ZFYVE9: variants seen among roughly 807,000 people sequenced by gnomAD.
The protein encoded by ZFYVE9 is zinc finger FYVE-type containing 9, also known as zinc finger FYVE domain-containing protein 9.
Under a neutral mutation model 126.7 loss-of-function variants are expected in ZFYVE9, and 43 were observed. The ratio of observed to expected loss-of-function variants is 0.34; its 90% CI spans 0.27 to 0.44. The LOEUF is 0.44. ZFYVE9 is among the 20% of genes least tolerant of loss of function. The pLI, the probability that ZFYVE9 is intolerant of heterozygous loss-of-function variation, is 1.00. For missense variants in ZFYVE9, 1,476 were observed against 1,697.0 expected (o/e 0.87, Z 2.29); for synonymous variants, 521 against 597.4 (o/e 0.87, Z 1.87).
intron 13 of ZFYVE9, among the ~76,000 whole-genome samples, chr1:52,330,723 G>C (rs1569770872): frequency 6.6e-6 from 1 of 152,008 alleles, no homozygotes; most frequent in Non-Finnish European, 1.5e-5. Context: ...TTATCAGTGG[G>C]GTCTTTGTGA....
intron 13 of ZFYVE9, among the ~76,000 whole-genome samples, chr1:52,307,814 C>T (rs1408875170): frequency 1.3e-5 from 2 of 150,238 alleles, no homozygotes; most frequent in African/African-American, 4.9e-5. Flanking sequence ...TGCAGTGGAG[C>T]GATCTCGGCT....
chr1:52,196,340 A>G (rs896728092), intron 1 of ZFYVE9, among the ~76,000 whole-genome samples: 11 of 152,188 alleles, frequency 7.2e-5, no homozygotes, highest in African/African-American at 2.7e-4. Flanking sequence ...GAAGATCAAC[A>G]CATTATAAAA....
intron 13 of ZFYVE9, among the ~76,000 whole-genome samples, chr1:52,304,834 T>C (rs776659242): frequency 2.6e-5 from 4 of 151,978 alleles, no homozygotes; most frequent in Non-Finnish European, 5.9e-5. Flanking sequence ...GTAGCTAGAA[T>C]GTGTGCTTAC....
At chr1:52,254,219 GT>G in intron 4 of ZFYVE9, 1 of 441,044 alleles carries the variant, frequency 2.3e-6, no homozygotes, top group Non-Finnish European at 4.1e-6. Flanking sequence ...ACGTATCTTT[GT>G]TTTATCCTGT....
chr1:52,253,015 A>G (rs964569927), intron 4 of ZFYVE9, among the ~76,000 whole-genome samples: 1 of 152,158 alleles, frequency 6.6e-6, no homozygotes, highest in Non-Finnish European at 1.5e-5. Context: ...GGAATTCTAG[A>G]CCAGCCTGGG....
intron 18 of ZFYVE9, among the ~76,000 whole-genome samples, chr1:52,345,228 C>T (rs2147881164): frequency 6.6e-6 from 1 of 152,296 alleles, no homozygotes; most frequent in African/African-American, 2.4e-5. Flanking sequence ...TAGGACCTGC[C>T]AGGTCCTGCC....
At chr1:52,264,758 G>GTTTTC (rs1645616597) in intron 5 of ZFYVE9, among the ~76,000 whole-genome samples, 1 of 152,106 alleles carries the variant, frequency 6.6e-6, no homozygotes, top group African/African-American at 2.4e-5. Flanking sequence ...TGATAGTGAT[G>GTTTTC]TTTTCTTGTT....
At chr1:52,265,510 G>A (rs1645625274) in intron 5 of ZFYVE9, among the ~76,000 whole-genome samples, 2 of 152,254 alleles carry the variant, frequency 1.3e-5, no homozygotes, top group South Asian at 4.1e-4. Context: ...CATTTCTGTA[G>A]CACCTTTCAT....
intron 1 of ZFYVE9, among the ~76,000 whole-genome samples, chr1:52,192,221 TA>T (rs1644822627): frequency 6.6e-6 from 1 of 152,218 alleles, no homozygotes; most frequent in East Asian, 1.9e-4. Flanking sequence ...ATCTATCCTA[TA>T]AAAACATTTG....
intron 13 of ZFYVE9, among the ~76,000 whole-genome samples, chr1:52,331,856 GC>G (rs1269079395): frequency 7.0e-6 from 1 of 143,318 alleles, no homozygotes; most frequent in Admixed American, 7.0e-5. Context: ...TTGGCTCACT[GC>G]AAGCTCCGCC....
At position 52,266,740 on chromosome 1, in the gene ZFYVE9, C is replaced by T. The variant is rs1212791214; in HGVS notation, c.2364C>T (p.Pro788=). The T allele has an allele frequency of 6.2e-7, 1 of 1,612,444 alleles. No homozygotes were observed. The change falls in exon 6 of 19, where the codon CCC becomes CCT. Residue 788 remains proline (P), a synonymous_variant. Transcript: ENST00000287727. ...NPAEYCSTIP[P]LQQAQASGAL... ...CTGAATACTGTTCTACTATCCCTCC[C>T]TTGCAGCAAGCTCAGGCCTCAGGAG... is the stretch of plus-strand genomic sequence containing the variant.
At chr1:52,314,646 G>A (rs1053463669) in intron 13 of ZFYVE9, among the ~76,000 whole-genome samples, 1 of 152,022 alleles carries the variant, frequency 6.6e-6, no homozygotes, top group African/African-American at 2.4e-5. Flanking sequence ...GGTGAAACCT[G>A]GTCTCTACTA....
intron 1 of ZFYVE9, among the ~76,000 whole-genome samples, chr1:52,156,231 G>A (rs1257023955): frequency 1.3e-5 from 2 of 152,178 alleles, no homozygotes; most frequent in Middle Eastern, 3.2e-3. Context: ...ATGGCTGCAT[G>A]CTGTGTACCC....
chr1:52,331,747 G>A (rs1401210247), intron 13 of ZFYVE9, among the ~76,000 whole-genome samples: 20 of 142,996 alleles, frequency 1.4e-4, no homozygotes, highest in African/African-American at 4.9e-4. Flanking sequence ...GAGAGACCCT[G>A]TCTCAAAAAA....
intron 13 of ZFYVE9, 46 bp from the exon 14 acceptor site, chr1:52,332,722 A>G (rs760845327): frequency 6.3e-7 from 1 of 1,591,646 alleles, no homozygotes; most frequent in African/African-American, 1.3e-5. Flanking sequence ...TGTCAGACAG[A>G]AAAATGCCCA....
At chr1:52,244,864 A>C (rs1429801985) in intron 4 of ZFYVE9, among the ~76,000 whole-genome samples, 1 of 152,168 alleles carries the variant, frequency 6.6e-6, no homozygotes, top group South Asian at 2.1e-4. Flanking sequence ...AAAACAATTT[A>C]AAAAAACTTT....
chr1:52,275,469 C>T (rs1423954755), intron 8 of ZFYVE9, among the ~76,000 whole-genome samples: 1 of 152,166 alleles, frequency 6.6e-6, no homozygotes, highest in Admixed American at 6.5e-5. Context: ...CTCCAAACTG[C>T]TTTCCACAGT....
At chr1:52,199,435 C>T (rs1006350184) in intron 1 of ZFYVE9, among the ~76,000 whole-genome samples, 5 of 152,324 alleles carry the variant, frequency 3.3e-5, no homozygotes, top group South Asian at 2.1e-4. Context: ...TCATACAGTA[C>T]GTAGCCTTTT....
intron 10 of ZFYVE9, among the ~76,000 whole-genome samples, chr1:52,282,191 A>C (rs1049060720): frequency 2.0e-5 from 3 of 152,228 alleles, no homozygotes; most frequent in Non-Finnish European, 1.5e-5. Context: ...TGAATATTCA[A>C]ATTTCAAAAA....
Sources: allele counts gnomAD v4.1 joint callset (sites outside exome capture counted in the v4.1 genomes callset), GRCh38; gene constraint gnomAD v4.1.1; transcripts MANE v1.5; gene names NCBI Gene and HGNC (gene_info 2026-07-23, HGNC 2026-07-21).